FAAH2: variants seen among roughly 807,000 people sequenced by gnomAD.
The protein encoded by FAAH2 is fatty acid amide hydrolase 2.
Under a neutral mutation model 36.9 loss-of-function variants are expected in FAAH2, and 60 were observed. The ratio of observed to expected loss-of-function variants is 1.63; its 90% CI spans 1.32 to 2.02. The LOEUF (loss-of-function observed/expected upper bound fraction) is 2.02, where lower values mean the gene tolerates loss of function less well. FAAH2 is among the 30% of genes most tolerant of loss of function. FAAH2 has a pLI of 0.00. For missense variants in FAAH2, 689 were observed against 397.5 expected (o/e 1.73, Z -6.23); for synonymous variants, 214 against 143.8 (o/e 1.49, Z -3.49).
chrX:57,470,510 A>C (rs1429563974), intron 10 of FAAH2, among the ~76,000 whole-genome samples: 2 of 111,568 alleles, frequency 1.8e-5, no homozygotes, highest in Admixed American at 1.9e-4. Context: ...GAAATGGATA[A>C]ATTTCTGGAC....
At chrX:57,242,192 C>A in the FAAH2 span, among the ~76,000 whole-genome samples, 2 of 111,720 alleles carry the variant, frequency 1.8e-5, no homozygotes, top group Admixed American at 9.4e-5. Flanking sequence ...TCAGCAGACA[C>A]CTTATACAAG....
intron 7 of FAAH2, among the ~76,000 whole-genome samples, chrX:57,423,989 G>A (rs951012184): frequency 4.5e-5 from 5 of 111,285 alleles, no homozygotes; most frequent in South Asian, 3.8e-4. Context: ...CGACACAATA[G>A]CATAGCACTC....
At chrX:57,352,041 T>TATATAC (rs2054016598) in intron 5 of FAAH2, among the ~76,000 whole-genome samples, 1 of 20,241 alleles carries the variant, frequency 4.9e-5, no homozygotes, top group Non-Finnish European at 9.3e-5. Context: ...TATATACATA[T>TATATAC]ATATATGTGT....
the FAAH2 span, among the ~76,000 whole-genome samples, chrX:57,166,927 T>C: frequency 8.9e-6 from 1 of 112,196 alleles, no homozygotes; most frequent in African/African-American, 3.2e-5. Context: ...TTGTGGAATG[T>C]GTAGACAGTC....
intron 7 of FAAH2, among the ~76,000 whole-genome samples, chrX:57,425,578 A>T (rs1311233349): frequency 8.9e-6 from 1 of 111,810 alleles, no homozygotes; most frequent in Admixed American, 9.5e-5. Context: ...TTCTTCATGA[A>T]AAAAACACTT....
chrX:57,413,485 T>C (rs189528891), intron 7 of FAAH2, among the ~76,000 whole-genome samples: 2 of 112,158 alleles, frequency 1.8e-5, no homozygotes, highest in African/African-American at 6.5e-5. Flanking sequence ...AGGGAATCCT[T>C]TCCCCATTGC....
the FAAH2 span, among the ~76,000 whole-genome samples, chrX:57,244,214 C>G: frequency 6.4e-5 from 7 of 109,395 alleles, no homozygotes; most frequent in African/African-American, 2.3e-4. Context: ...TAAAAAGAAA[C>G]GAACAAAGTT....
chrX:57,342,500 A>G (rs949763597), intron 5 of FAAH2, among the ~76,000 whole-genome samples: 2 of 111,668 alleles, frequency 1.8e-5, no homozygotes, highest in Admixed American at 9.5e-5. Context: ...AAACCTGCAC[A>G]TGTACCCCTA....
chrX:57,283,044 G>A (rs2146753963), upstream of FAAH2, among the ~76,000 whole-genome samples: 1 of 112,309 alleles, frequency 8.9e-6, no homozygotes, highest in South Asian at 3.7e-4. Context: ...ATCAACTGGT[G>A]CAATCAGTCA....
Position 57,378,728 on chromosome X carries a change from C to T in FAAH2, c.820C>T (p.Arg274Cys), listed in dbSNP as rs200667637. ...ELFLCTGPMCRYAEDLAPMLK... is the reference protein window; with the variant it reads ...ELFLCTGPMCCYAEDLAPMLK... ...GTTTCTGTGCACTGGTCCTATGTGCCGTTATGCTGAAGACCTGGCCCCCAT... is the reference window on the plus strand; with the variant it reads ...GTTTCTGTGCACTGGTCCTATGTGCTGTTATGCTGAAGACCTGGCCCCCAT... Residue 274 changes from arginine to cysteine, a missense_variant, in exon 6 of 11, where the codon CGT (arginine) becomes TGT (cysteine). Transcript: ENST00000374900. The T allele has an allele frequency of 7.1e-5, 86 of 1,207,627 alleles. No individual in the cohort carries two copies. Among genetic ancestry groups the T allele is most frequent in the African/African-American group, 1.1e-4 (6 of 56,775 alleles).
At chrX:57,289,571 G>T (rs2051916570) in intron 1 of FAAH2, among the ~76,000 whole-genome samples, 1 of 110,733 alleles carries the variant, frequency 9.0e-6, no homozygotes, top group Admixed American at 9.7e-5. Flanking sequence ...GTGGAAAGAG[G>T]CTTCATTGCA....
intron 7 of FAAH2, among the ~76,000 whole-genome samples, chrX:57,421,828 T>G (rs1351851987): frequency 8.9e-6 from 1 of 111,925 alleles, no homozygotes; most frequent in African/African-American, 3.3e-5. Flanking sequence ...AGAGGCATTA[T>G]GATGGGGAAA....
the FAAH2 span, among the ~76,000 whole-genome samples, chrX:57,207,986 G>T: frequency 2.7e-5 from 3 of 112,716 alleles, no homozygotes; most frequent in Non-Finnish European, 5.6e-5. Context: ...AAAGGAAAAG[G>T]CTCAAATGTA....
chrX:57,313,157 C>A lies in FAAH2; in HGVS notation c.412+2428C>A, dbSNP rs984120708. ...AGAATCCAATCCCAGAGCTTGAATA[C>A]CGTTTTTTTCAAATCACCTTAGTCA... is the stretch of plus-strand genomic sequence containing the variant. On this transcript the variant is annotated intron_variant, in intron 3 of 10. Coordinates refer to ENST00000374900, the MANE Select transcript of FAAH2 (RefSeq NM_174912.4). Among the ~76,000 whole-genome samples the A allele has an allele frequency of 2.4e-4, 3 of 12,377 alleles. No homozygotes were observed. In the Admixed American group the frequency reaches 6.6e-3, roughly 27 times the overall value. 10.7% of individuals were successfully genotyped at this position (12,377 alleles called of 115,157 possible).
intron 5 of FAAH2, among the ~76,000 whole-genome samples, chrX:57,355,622 G>A (rs761227739): frequency 6.3e-4 from 69 of 109,648 alleles, no homozygotes; most frequent in Non-Finnish European, 1.5e-4. Flanking sequence ...AAGTGTAACT[G>A]ATTTATTTTT....
At chrX:57,201,935 AT>A in the FAAH2 span, among the ~76,000 whole-genome samples, 1 of 111,606 alleles carries the variant, frequency 9.0e-6, no homozygotes, top group Non-Finnish European at 1.9e-5. Context: ...ACTGTAATAC[AT>A]TCTTACATTT....
At chrX:57,454,453 G>T (rs1375523469) in intron 10 of FAAH2, among the ~76,000 whole-genome samples, 1 of 111,948 alleles carries the variant, frequency 8.9e-6, no homozygotes, top group Non-Finnish European at 1.9e-5. Context: ...CCCAGAAATG[G>T]TTCTTAACCA....
At chrX:57,289,774 A>T (rs1172215987) in intron 1 of FAAH2, among the ~76,000 whole-genome samples, 2 of 111,364 alleles carry the variant, frequency 1.8e-5, no homozygotes, top group African/African-American at 6.5e-5. Flanking sequence ...TAAAAATATA[A>T]GGTACTGAAC....
intron 7 of FAAH2, among the ~76,000 whole-genome samples, chrX:57,383,167 G>T (rs2054905096): frequency 8.9e-6 from 1 of 111,786 alleles, no homozygotes; most frequent in East Asian, 2.8e-4. Flanking sequence ...GGTATTGATG[G>T]GACGTAGCTC....
Sources: allele counts gnomAD v4.1 joint callset (sites outside exome capture counted in the v4.1 genomes callset), GRCh38; gene constraint gnomAD v4.1.1; transcripts MANE v1.5; gene names NCBI Gene and HGNC (gene_info 2026-07-23, HGNC 2026-07-21).